ARHGEF3: variants seen among roughly 807,000 people sequenced by gnomAD.
ARHGEF3 encodes the protein Rho guanine nucleotide exchange factor 3.
A neutral mutation model predicts 63.2 loss-of-function variants in ARHGEF3; 28 were observed. The ratio of observed to expected loss-of-function variants is 0.44; its 90% CI spans 0.33 to 0.61. The LOEUF (loss-of-function observed/expected upper bound fraction) is 0.61. ARHGEF3 is among the 20% of genes least tolerant of loss of function. The pLI, the probability that ARHGEF3 is intolerant of heterozygous loss-of-function variation, is 0.03. For synonymous variants in ARHGEF3, 266 were observed against 254.2 expected (o/e 1.05, Z -0.44); for missense variants, 533 against 659.3 (o/e 0.81, Z 2.10).
intron 4 of ARHGEF3, among the ~76,000 whole-genome samples, chr3:56,814,082 A>G (rs1264390076): frequency 1.3e-5 from 2 of 152,236 alleles, no homozygotes; most frequent in Non-Finnish European, 1.5e-5. Context: ...GTAAACTGAA[A>G]AAGAATAAGA....
Position 56,897,048 on chromosome 3 carries a change from A to C in ARHGEF3, c.130-14694T>G, listed in dbSNP as rs139872735. Reference sequence around the variant, plus strand: ...TTTTAGTGTCCACTGACGATTTTTCAACTCTATCATCCCTTCAATGTTTAT... The same window carrying C: ...TTTTAGTGTCCACTGACGATTTTTCCACTCTATCATCCCTTCAATGTTTAT... On this transcript the variant is annotated intron_variant, in intron 3 of 12. Coordinates refer to the ARHGEF3 transcript ENST00000338458. 7.9e-5 allele frequency among the ~76,000 whole-genome samples: 12 copies of C among 152,350 alleles called. No homozygotes were observed. In the East Asian group the frequency reaches 2.3e-3, roughly 29 times the overall value.
At chr3:56,789,767 C>G (rs1559941346) in intron 1 of ARHGEF3, among the ~76,000 whole-genome samples, 1 of 152,180 alleles carries the variant, frequency 6.6e-6, no homozygotes, top group African/African-American at 2.4e-5. Context: ...AAAATAAACT[C>G]TATCACTGCC....
At chr3:57,014,403 C>G (rs886377410) in intron 2 of ARHGEF3, among the ~76,000 whole-genome samples, 4 of 152,164 alleles carry the variant, frequency 2.6e-5, no homozygotes, top group Non-Finnish European at 5.9e-5. Flanking sequence ...ATCACCACCC[C>G]TGTTCATCAC....
At position 56,879,140 on chromosome 3, in the gene ARHGEF3, T is replaced by G. The variant is rs563257261; in HGVS notation, c.192+3152A>C. Among the ~76,000 whole-genome samples, 5 of 152,352 alleles carry G rather than the reference T, an allele frequency of 3.3e-5. No homozygotes were observed. The South Asian group carries it at 1.0e-3, about 32-fold the overall frequency. ...CATGAGTTGTGTAATTATTTCATTA[T>G]GTATTACAATGTAATAATAATAGAA... On this transcript the variant is annotated intron_variant, in intron 4 of 12. Transcript: ENST00000338458.
In ARHGEF3 at chr3:57,010,226, G is replaced by A. The variant is rs149790966; in HGVS notation, c.62+24862C>T. Among the ~76,000 whole-genome samples, 1,256 of 151,834 alleles carry A rather than the reference G, an allele frequency of 8.3e-3. 13 individuals are homozygous for A. Among genetic ancestry groups the A allele is most frequent in the African/African-American group, 0.027 (1,135 of 41,416 alleles). On this transcript the variant is annotated intron_variant, in intron 2 of 12. Transcript: ENST00000338458. The stretch of plus-strand genomic sequence containing the variant: ...TCCCAGCACTTTGGGAGGCCAAGGC[G>A]GGCAGATCACGAGGTCAGGAGATAG...
At chr3:56,982,099 G>A (rs973743032) in intron 2 of ARHGEF3, among the ~76,000 whole-genome samples, 1 of 152,204 alleles carries the variant, frequency 6.6e-6, no homozygotes, top group African/African-American at 2.4e-5. Flanking sequence ...ATCTTGTGCA[G>A]AAAGCTTACC....
At chr3:56,787,237 C>A (rs1376111188) in intron 1 of ARHGEF3, among the ~76,000 whole-genome samples, 1 of 152,148 alleles carries the variant, frequency 6.6e-6, no homozygotes, top group African/African-American at 2.4e-5. Flanking sequence ...CTTCCCTCTG[C>A]CCCAACATTT....
At chr3:56,875,362 T>C (rs1293766066) in intron 4 of ARHGEF3, among the ~76,000 whole-genome samples, 1 of 152,218 alleles carries the variant, frequency 6.6e-6, no homozygotes, top group South Asian at 2.1e-4. Context: ...AGAATAATAC[T>C]GAGCATCTCA....
At chr3:56,784,766 T>C (rs1014933002) in intron 1 of ARHGEF3, among the ~76,000 whole-genome samples, 4 of 152,080 alleles carry the variant, frequency 2.6e-5, no homozygotes, top group African/African-American at 7.2e-5. Context: ...GCCCAAAGAG[T>C]GCATTGATTC....
At position 57,035,093 on chromosome 3, in the gene ARHGEF3, C is replaced by A. The variant is rs902658148; in HGVS notation, c.57G>T (p.Lys19Asn). ...GGTTATTTGATTATTTTTACCTTTCCTTGTTTTCTTCCATTCCTCTACAGC... is the reference window on the plus strand; with the variant it reads ...GGTTATTTGATTATTTTTACCTTTCATTGTTTTCTTCCATTCCTCTACAGC... The change falls in exon 2 of 13, where the codon AAG becomes AAT. Residue 19 changes from lysine to asparagine, a missense_variant. Lys to Asn is a moderately conservative substitution (Grantham distance 94). Coordinates refer to the ARHGEF3 transcript ENST00000338458. The A allele has an allele frequency of 2.6e-6, 4 of 1,543,378 alleles. No homozygotes were observed. The African/African-American group carries it at 5.5e-5, about 21-fold the overall frequency.
intron 3 of ARHGEF3, among the ~76,000 whole-genome samples, chr3:56,932,545 G>GA (rs1337891810): frequency 6.6e-6 from 1 of 151,188 alleles, no homozygotes; most frequent in Admixed American, 6.6e-5. Flanking sequence ...TCACATTAGT[G>GA]GGCATTCACA....
At chr3:57,077,437 C>G (rs990319403) in intron 1 of ARHGEF3, among the ~76,000 whole-genome samples, 109 of 152,112 alleles carry the variant, frequency 7.2e-4, no homozygotes, top group African/African-American at 2.6e-3. Context: ...CTTCAAGTGC[C>G]TCGTGTAGAT....
At chr3:56,965,933 C>G (rs1700476863) in intron 2 of ARHGEF3, among the ~76,000 whole-genome samples, 1 of 151,952 alleles carries the variant, frequency 6.6e-6, no homozygotes, top group Non-Finnish European at 1.5e-5. Context: ...CAGGTGTGAG[C>G]CACTGCGCCT....
At chr3:56,734,899 A>G (rs1337763272) in intron 8 of ARHGEF3, among the ~76,000 whole-genome samples, 1 of 152,216 alleles carries the variant, frequency 6.6e-6, no homozygotes, top group Non-Finnish European at 1.5e-5. Flanking sequence ...GTTTTAATGT[A>G]CAGTATTTGG....
intron 1 of ARHGEF3, among the ~76,000 whole-genome samples, chr3:57,069,621 T>C (rs1441431159): frequency 6.7e-6 from 1 of 149,902 alleles, no homozygotes; most frequent in Admixed American, 6.7e-5. Flanking sequence ...CTGGAACACA[T>C]AAGTACATGT....
chr3:57,007,856 A>G (rs1184831206), intron 2 of ARHGEF3, among the ~76,000 whole-genome samples: 1 of 152,230 alleles, frequency 6.6e-6, no homozygotes, highest in African/African-American at 2.4e-5. Context: ...CTCCTCCTGC[A>G]TAACAGGAAA....
intron 2 of ARHGEF3, among the ~76,000 whole-genome samples, chr3:56,973,433 A>G (rs929844939): frequency 6.6e-6 from 1 of 152,258 alleles, no homozygotes; most frequent in Admixed American, 6.5e-5. Context: ...CAATGGGAAG[A>G]TAGCAAAGGG....
intron 1 of ARHGEF3, among the ~76,000 whole-genome samples, chr3:56,799,505 T>TA (rs924570191): frequency 6.6e-6 from 1 of 152,166 alleles, no homozygotes; most frequent in Non-Finnish European, 1.5e-5. Context: ...CAATCACTCT[T>TA]AAAAAAATAC....
intron 3 of ARHGEF3, among the ~76,000 whole-genome samples, chr3:56,936,887 T>C (rs145227316): frequency 1.3e-5 from 2 of 152,292 alleles, no homozygotes; most frequent in Admixed American, 1.3e-4. Flanking sequence ...GCCTGGCTAA[T>C]TTTTGTATTT....
Sources: gnomAD v4.1 joint callset for allele counts (sites outside exome capture counted in the v4.1 genomes callset) on GRCh38, gnomAD v4.1.1 for gene constraint, MANE v1.5 for transcripts, NCBI Gene and HGNC (gene_info 2026-07-23, HGNC 2026-07-21) for gene names.